Variants in GALNT13 observed in about 807,000 individuals in gnomAD.
The protein encoded by GALNT13 is UDP-GalNAc:polypeptide N-acetylgalactosaminyltransferase 13.
In GALNT13, 28 loss-of-function variants were observed where a neutral mutation model predicts 64.2. That is an observed-to-expected ratio of 0.44 (90% CI 0.32 to 0.60). GALNT13 has a LOEUF of 0.60. Ranked by LOEUF, GALNT13 falls within the 20% of genes least tolerant of loss-of-function variation. GALNT13 has a pLI of 0.05. For missense variants in GALNT13, 577 were observed against 669.8 expected, an observed-to-expected ratio of 0.86 and a Z score of 1.53; for synonymous variants, 214 against 224.6, an observed-to-expected ratio of 0.95 and a Z score of 0.42.
chr2:154,393,758 A>G (rs1009834188), intron 9 of GALNT13, among the ~76,000 whole-genome samples: 3 of 152,144 alleles, frequency 2.0e-5, no homozygotes, highest in African/African-American at 7.2e-5. Flanking sequence ...GAAGTGGACA[A>G]TTAATGTTTT....
chr2:153,788,331 T>C, the GALNT13 span, among the ~76,000 whole-genome samples: 5 of 152,102 alleles, frequency 3.3e-5, no homozygotes, highest in African/African-American at 1.2e-4. Flanking sequence ...AAGACTTTCA[T>C]ATCCAGCCAA....
At chr2:154,403,330 C>G (rs1488044336) in intron 10 of GALNT13, among the ~76,000 whole-genome samples, 1 of 151,942 alleles carries the variant, frequency 6.6e-6, no homozygotes, top group African/African-American at 2.4e-5. Context: ...GAATTCCATG[C>G]CTGTAGTCCC....
intron 8 of GALNT13, among the ~76,000 whole-genome samples, chr2:154,259,796 A>T (rs994343236): frequency 6.6e-6 from 1 of 152,202 alleles, no homozygotes; most frequent in Non-Finnish European, 1.5e-5. Context: ...ATTGATAAGC[A>T]CTAACATAGT....
the GALNT13 span, among the ~76,000 whole-genome samples, chr2:153,661,687 A>G: frequency 6.6e-6 from 1 of 152,218 alleles, no homozygotes; most frequent in Non-Finnish European, 1.5e-5. Flanking sequence ...GATGATGCAA[A>G]TGAGTTTGGA....
intron 2 of GALNT13, among the ~76,000 whole-genome samples, chr2:153,917,916 G>GT (rs34793096): frequency 1.0e-3 from 151 of 148,350 alleles, no homozygotes; most frequent in Non-Finnish European, 1.6e-3. Context: ...CATGACCACA[G>GT]TTTTTTTTTT....
chr2:153,591,130 A>G, the GALNT13 span, among the ~76,000 whole-genome samples: 3 of 152,090 alleles, frequency 2.0e-5, no homozygotes, highest in African/African-American at 7.2e-5. Context: ...TTGCAGGATA[A>G]AAATTGACAT....
intron 3 of GALNT13, among the ~76,000 whole-genome samples, chr2:154,044,940 C>T (rs1247570760): frequency 4.0e-5 from 6 of 151,758 alleles, no homozygotes; most frequent in Non-Finnish European, 7.4e-5. Context: ...GCCATAGCAT[C>T]GTAATGGATT....
the GALNT13 span, among the ~76,000 whole-genome samples, chr2:153,643,935 A>G: frequency 1.3e-4 from 20 of 152,028 alleles, no homozygotes; most frequent in African/African-American, 4.6e-4. Flanking sequence ...TTCATAACGA[A>G]TAACAAGAAT....
chr2:153,271,523 C>T, the GALNT13 span, among the ~76,000 whole-genome samples: 13 of 152,120 alleles, frequency 8.5e-5, no homozygotes, highest in Non-Finnish European at 1.9e-4. Flanking sequence ...ACAATTGCTA[C>T]AAAGAGAATA....
At chr2:154,144,353 A>G (rs1683444154) in intron 4 of GALNT13, among the ~76,000 whole-genome samples, 1 of 152,156 alleles carries the variant, frequency 6.6e-6, no homozygotes, top group East Asian at 1.9e-4. Flanking sequence ...TTGATCTAGA[A>G]AATATTTTTA....
the GALNT13 span, among the ~76,000 whole-genome samples, chr2:153,308,333 A>G: frequency 0.21 from 31,418 of 152,086 alleles, 4,054 homozygotes; most frequent in Non-Finnish European, 0.3. Flanking sequence ...GACTTAATTT[A>G]TGGCCCTGCA....
chr2:154,404,957 G>C (rs1699461231), intron 10 of GALNT13, among the ~76,000 whole-genome samples: 1 of 151,816 alleles, frequency 6.6e-6, no homozygotes, highest in African/African-American at 2.4e-5. Flanking sequence ...TGCAAAAAAG[G>C]AAAGAAGGAA....
the GALNT13 span, among the ~76,000 whole-genome samples, chr2:153,597,612 C>CA: frequency 1.1e-4 from 16 of 151,488 alleles, no homozygotes; most frequent in African/African-American, 2.9e-4. Context: ...GCACAAACAG[C>CA]AAAAAAATAA....
the GALNT13 span, among the ~76,000 whole-genome samples, chr2:153,652,775 C>T: frequency 4.6e-5 from 7 of 152,090 alleles, no homozygotes; most frequent in Non-Finnish European, 7.4e-5. Context: ...AGTTCCTTCA[C>T]CATCTGATGC....
chr2:153,185,198 A>G, the GALNT13 span, among the ~76,000 whole-genome samples: 1 of 152,114 alleles, frequency 6.6e-6, no homozygotes, highest in Non-Finnish European at 1.5e-5. Flanking sequence ...AGGAGGGTAC[A>G]TGTGTCCAGG....
intron 3 of GALNT13, among the ~76,000 whole-genome samples, chr2:154,034,853 G>A (rs997292682): frequency 2.7e-5 from 4 of 148,308 alleles, no homozygotes; most frequent in Admixed American, 6.7e-5. Context: ...AGTTAAAACC[G>A]TCGTGAGGTA....
the GALNT13 span, among the ~76,000 whole-genome samples, chr2:153,781,848 T>C: frequency 2.0e-5 from 3 of 152,158 alleles, no homozygotes; most frequent in Admixed American, 2.0e-4. Flanking sequence ...TTCCAATTAA[T>C]AGAATATGGA....
At chr2:153,552,754 G>GT in the GALNT13 span, among the ~76,000 whole-genome samples, 1 of 151,988 alleles carries the variant, frequency 6.6e-6, no homozygotes, top group African/African-American at 2.4e-5. Flanking sequence ...TGGAAGACAA[G>GT]TTTTTTTAAA....
chr2:154,154,966 G>A (rs1684317412), intron 4 of GALNT13, among the ~76,000 whole-genome samples: 1 of 138,088 alleles, frequency 7.2e-6, no homozygotes, highest in East Asian at 2.2e-4. Context: ...GTGTGTGTGT[G>A]TATAAACATA....
Sources: gnomAD v4.1 joint callset for allele counts (sites outside exome capture counted in the v4.1 genomes callset) on GRCh38, gnomAD v4.1.1 for gene constraint, MANE v1.5 for transcripts, NCBI Gene and HGNC (gene_info 2026-07-23, HGNC 2026-07-21) for gene names.